SSH2: variants seen among roughly 807,000 people sequenced by gnomAD.
The protein encoded by SSH2 is protein phosphatase Slingshot homolog 2.
SSH2 carries 37 observed loss-of-function variants against 135.2 expected under a neutral mutation model. The observed-to-expected ratio is 0.27, with a 90% CI of 0.21 to 0.36. The LOEUF (loss-of-function observed/expected upper bound fraction) is 0.36. SSH2 is among the 10% of genes least tolerant of loss of function. The pLI is 1.00. For synonymous variants in SSH2, 628 were observed against 646.2 expected (o/e 0.97, Z 0.43); for missense variants, 1,408 against 1,765.3 (o/e 0.80, Z 3.63).
At chr17:29,761,436 G>A in intron 3 of SSH2, 5 of 1,004,702 alleles carry the variant, frequency 5.0e-6, no homozygotes, top group Non-Finnish European at 5.9e-6. Context: ...CCGGACTGAC[G>A]GGCGTCGCCA....
intron 2 of SSH2, among the ~76,000 whole-genome samples, chr17:29,818,177 T>C (rs1353569988): frequency 6.6e-6 from 1 of 152,102 alleles, no homozygotes; most frequent in Admixed American, 6.6e-5. Context: ...TTTTTATTAT[T>C]GTATTGCTAT....
intron 1 of SSH2, among the ~76,000 whole-genome samples, chr17:29,873,547 A>T (rs1006353627): frequency 2.6e-5 from 4 of 152,088 alleles, no homozygotes; most frequent in African/African-American, 4.8e-5. Context: ...AGACAGAGCC[A>T]GACTATGTTT....
intron 3 of SSH2, among the ~76,000 whole-genome samples, chr17:29,742,481 G>GTTTTTTTTTTTTTT (rs35446491): frequency 1.1e-5 from 1 of 90,652 alleles, no homozygotes. Flanking sequence ...ACCACACCCA[G>GTTTTTTTTTTTTTT]TTTTTTTTTT....
intron 13 of SSH2, among the ~76,000 whole-genome samples, chr17:29,648,897 T>C (rs903879984): frequency 6.6e-6 from 1 of 152,044 alleles, no homozygotes; most frequent in African/African-American, 2.4e-5. Context: ...TCCCAGCACT[T>C]TGGGAGGCTG....
In SSH2 at chr17:29,629,628, C is replaced by A. The variant is rs1480259400; in HGVS notation, c.*1213G>T. Reference sequence around the variant, plus strand: ...AATCAAAATTACCCTACAACATGAACAAGACACTAAGACAGTGACAATATT... The same window carrying A: ...AATCAAAATTACCCTACAACATGAAAAAGACACTAAGACAGTGACAATATT... On this transcript the variant is annotated 3_prime_UTR_variant, in exon 16 of 16. Coordinates refer to ENST00000540801, the MANE Select transcript of SSH2 (RefSeq NM_001282129.2). 1 of 152,478 alleles carries A rather than the reference C, an allele frequency of 6.6e-6. No individual in the cohort carries two copies. The highest frequency in any genetic ancestry group is 1.5e-5 in the Non-Finnish European group (1 of 68,012). The allele number at this position is 152,478 out of a possible 1,614,324, so 9.4% of individuals were successfully genotyped here. A position where few individuals can be genotyped will look rare whatever the true frequency, so the allele number is the denominator to read the frequency against.
At chr17:29,855,216 C>T (rs2065641005) in intron 1 of SSH2, among the ~76,000 whole-genome samples, 1 of 151,398 alleles carries the variant, frequency 6.6e-6, no homozygotes, top group South Asian at 2.1e-4. Flanking sequence ...TACTATTAGA[C>T]ATAGGCTGGG....
At chr17:29,847,279 T>TA (rs887689643) in intron 2 of SSH2, among the ~76,000 whole-genome samples, 15 of 151,878 alleles carry the variant, frequency 9.9e-5, no homozygotes, top group Admixed American at 7.2e-4. Flanking sequence ...CAGTACACCT[T>TA]AAAAAAAATC....
intron 3 of SSH2, among the ~76,000 whole-genome samples, chr17:29,778,835 CAAAAAAAAA>C (rs60595591): frequency 5.5e-4 from 21 of 37,868 alleles, no homozygotes; most frequent in African/African-American, 8.9e-4. Flanking sequence ...CTCCGTCTCC[CAAAAAAAAA>C]AAAAAAAAAA....
intron 3 of SSH2, among the ~76,000 whole-genome samples, chr17:29,783,318 T>TTATATATATATATATA (rs372884691): frequency 7.0e-6 from 1 of 142,126 alleles, no homozygotes; most frequent in African/African-American, 2.6e-5. Flanking sequence ...ATAACATATA[T>TTATATATATATATATA]TATATATATA....
Position 29,757,626 on chromosome 17 carries a change from C to T in SSH2, c.188+36268G>A, listed in dbSNP as rs1598948305. ...AAAGAAGTGGCTGGGCACGGTAGCG[C>T]ACTCCTGCAATCCCAGCACTTTGGG... On this transcript the variant is annotated intron_variant, in intron 3 of 15. Coordinates refer to ENST00000540801, the MANE Select transcript of SSH2 (RefSeq NM_001282129.2). 2.0e-5 allele frequency among the ~76,000 whole-genome samples: 3 copies of T among 151,414 alleles called. No homozygotes were observed. In the East Asian group the frequency reaches 5.8e-4, roughly 29 times the overall value.
At chr17:29,672,580 T>C (rs1023708582) in intron 8 of SSH2, among the ~76,000 whole-genome samples, 1 of 152,216 alleles carries the variant, frequency 6.6e-6, no homozygotes, top group Non-Finnish European at 1.5e-5. Flanking sequence ...TAGATAGATG[T>C]CCCTAAGCCT....
chr17:29,811,266 G>T (rs1342187090), intron 2 of SSH2, among the ~76,000 whole-genome samples: 1 of 151,940 alleles, frequency 6.6e-6, no homozygotes, highest in African/African-American at 2.4e-5. Context: ...AAAATGCTGG[G>T]ATTACAAGTG....
chr17:29,631,043 A>T lies in SSH2; in HGVS notation c.4151T>A (p.Leu1384Ter). Residue 1384 changes from leucine (L) to a stop codon, truncating the protein, a stop_gained, in exon 16 of 16, where the codon TTG (leucine) becomes TAG (stop). Coordinates refer to ENST00000540801, the MANE Select transcript of SSH2 (RefSeq NM_001282129.2). LOFTEE classifies it high-confidence loss of function. ...CAATTCAAGTCCTGCCCTGGGGAGC[A>T]AATACTGCTGACTAGAACCAAATTC... is the stretch of plus-strand genomic sequence containing the variant. ...AKEFGSSQQY[L>*]LPRAGLELTS... 6 of 1,614,226 alleles carry T rather than the reference A, an allele frequency of 3.7e-6. No individual in the cohort carries two copies. The South Asian group carries it at 6.6e-5, about 18-fold the overall frequency.
At chr17:29,749,329 G>A (rs2040856742) in intron 3 of SSH2, among the ~76,000 whole-genome samples, 1 of 152,156 alleles carries the variant, frequency 6.6e-6, no homozygotes, top group South Asian at 2.1e-4. Flanking sequence ...GTTTATCATT[G>A]CGTGAACATC....
intron 3 of SSH2, among the ~76,000 whole-genome samples, chr17:29,758,564 C>T (rs1273535950): frequency 2.0e-5 from 3 of 152,094 alleles, no homozygotes; most frequent in Non-Finnish European, 4.4e-5. Context: ...TATATGATTT[C>T]TTAGGATCTT....
chr17:29,721,527 C>T (rs754929561), intron 3 of SSH2, among the ~76,000 whole-genome samples: 30 of 152,308 alleles, frequency 2.0e-4, no homozygotes, highest in Non-Finnish European at 3.5e-4. Flanking sequence ...CTTTTGTTTT[C>T]TCACACAGTA....
intron 15 of SSH2, among the ~76,000 whole-genome samples, chr17:29,635,557 G>A (rs999003131): frequency 5.1e-5 from 7 of 138,550 alleles, no homozygotes; most frequent in Non-Finnish European, 1.1e-4. Context: ...GGCGCCGCCC[G>A]CCACCACACC....
At chr17:29,773,776 C>T (rs2041637151) in intron 3 of SSH2, among the ~76,000 whole-genome samples, 1 of 152,158 alleles carries the variant, frequency 6.6e-6, no homozygotes, top group Non-Finnish European at 1.5e-5. Context: ...CTCCTGGGTT[C>T]AAGCAATTCT....
intron 11 of SSH2, among the ~76,000 whole-genome samples, chr17:29,660,361 G>C (rs2036979174): frequency 6.6e-6 from 1 of 151,196 alleles, no homozygotes; most frequent in South Asian, 2.1e-4. Context: ...CTGCCTCCCA[G>C]GTTCAAGCGA....
Sources: gnomAD v4.1 joint callset for allele counts (sites outside exome capture counted in the v4.1 genomes callset) on GRCh38, gnomAD v4.1.1 for gene constraint, MANE v1.5 for transcripts, NCBI Gene and HGNC (gene_info 2026-07-23, HGNC 2026-07-21) for gene names.